GABRB1: variants seen among roughly 807,000 people sequenced by gnomAD.
The protein encoded by GABRB1 is gamma-aminobutyric acid type A receptor subunit beta1, also known as gamma-aminobutyric acid receptor subunit beta-1.
Under a neutral mutation model 51.6 loss-of-function variants are expected in GABRB1, and 17 were observed. The observed-to-expected ratio is 0.33, with a 90% CI of 0.23 to 0.49. GABRB1 has a LOEUF of 0.49. Among genes scored for constraint, GABRB1 ranks in the 20% least tolerant of loss-of-function variants. GABRB1 has a pLI of 0.99. For missense variants in GABRB1, 410 were observed against 600.6 expected (o/e 0.68, Z 3.32); for synonymous variants, 247 against 218.9 (o/e 1.13, Z -1.14).
At chr4:47,013,137 T>TTC (rs1553909056) in intron 1 of GABRB1, among the ~76,000 whole-genome samples, 4 of 56,220 alleles carry the variant, frequency 7.1e-5, no homozygotes, top group African/African-American at 1.6e-4. Context: ...ACAAATTGCA[T>TTC]TCTGTGTGTG....
intron 4 of GABRB1, among the ~76,000 whole-genome samples, chr4:47,190,133 CT>C (rs1408211735): frequency 6.6e-6 from 1 of 152,102 alleles, no homozygotes; most frequent in East Asian, 1.9e-4. Flanking sequence ...CCTTAATCTT[CT>C]AGCTTTACCA....
chr4:47,011,650 A>C (rs913899391), intron 1 of GABRB1, among the ~76,000 whole-genome samples: 2 of 152,130 alleles, frequency 1.3e-5, no homozygotes, highest in African/African-American at 2.4e-5. Context: ...GCCTTGCTTC[A>C]CTTTGTATTT....
At chr4:47,132,677 G>A (rs1221955612) in intron 3 of GABRB1, among the ~76,000 whole-genome samples, 1 of 152,142 alleles carries the variant, frequency 6.6e-6, no homozygotes, top group Admixed American at 6.6e-5. Context: ...AACGCTCAAC[G>A]AATTTCTTGA....
At chr4:47,153,759 C>A (rs943502521) in intron 3 of GABRB1, among the ~76,000 whole-genome samples, 5 of 151,968 alleles carry the variant, frequency 3.3e-5, no homozygotes, top group African/African-American at 9.7e-5. Context: ...TGATTAATTT[C>A]AAAATTTTTC....
chr4:47,395,408 C>T (rs1200999898), intron 5 of GABRB1, among the ~76,000 whole-genome samples: 1 of 152,152 alleles, frequency 6.6e-6, no homozygotes, highest in South Asian at 2.1e-4. Context: ...AACTCATTCG[C>T]TAACACGAGA....
At chr4:47,198,165 T>C (rs1719762380) in intron 4 of GABRB1, among the ~76,000 whole-genome samples, 2 of 152,112 alleles carry the variant, frequency 1.3e-5, no homozygotes, top group Admixed American at 1.3e-4. Context: ...CACTAAGGCA[T>C]AGTGGCAGGA....
chr4:47,425,516 AGATCGATC>A (rs1553884656), intron 8 of GABRB1, among the ~76,000 whole-genome samples, 150 bp from the exon 9 acceptor site: 3 of 149,550 alleles, frequency 2.0e-5, no homozygotes, highest in African/African-American at 7.5e-5. Flanking sequence ...ATAGATAGAT[AGATCGATC>A]GATCTATCTC....
At chr4:47,300,056 C>A (rs2109936495) in intron 4 of GABRB1, among the ~76,000 whole-genome samples, 1 of 126,792 alleles carries the variant, frequency 7.9e-6, no homozygotes, top group East Asian at 2.3e-4. Flanking sequence ...CACATGGACA[C>A]AGGAAGGGGA....
intron 5 of GABRB1, among the ~76,000 whole-genome samples, chr4:47,331,678 T>A (rs939724905): frequency 1.3e-5 from 2 of 152,154 alleles, no homozygotes; most frequent in Admixed American, 6.6e-5. Context: ...GGAACTTTGA[T>A]CTTCTAATAC....
chr4:47,342,511 A>G (rs1388577856), intron 5 of GABRB1, among the ~76,000 whole-genome samples: 1 of 152,242 alleles, frequency 6.6e-6, no homozygotes, highest in Admixed American at 6.5e-5. Context: ...TTGAAAGACC[A>G]TACAGTTGAA....
intron 3 of GABRB1, among the ~76,000 whole-genome samples, chr4:47,116,501 G>A (rs903097819): frequency 6.6e-5 from 10 of 152,112 alleles, no homozygotes; most frequent in African/African-American, 2.2e-4. Context: ...TTCATTCACT[G>A]TCTCTACTTA....
chr4:47,127,046 A>G (rs1247513483), intron 3 of GABRB1, among the ~76,000 whole-genome samples: 1 of 151,846 alleles, frequency 6.6e-6, no homozygotes, highest in Non-Finnish European at 1.5e-5. Context: ...GTCCTTTTCC[A>G]TGTTATTTTT....
chr4:47,279,908 C>T (rs1021773741), intron 4 of GABRB1, among the ~76,000 whole-genome samples: 27 of 150,008 alleles, frequency 1.8e-4, no homozygotes, highest in Admixed American at 2.0e-4. Context: ...CTGTAGGCAG[C>T]GTATATTTGG....
chr4:47,206,174 A>G (rs566261990), intron 4 of GABRB1, among the ~76,000 whole-genome samples: 10 of 152,042 alleles, frequency 6.6e-5, no homozygotes, highest in Non-Finnish European at 1.3e-4. Context: ...GTGGAAAAAC[A>G]TAGTTATGAA....
At chr4:47,188,348 G>T (rs573117853) in intron 4 of GABRB1, among the ~76,000 whole-genome samples, 1 of 152,034 alleles carries the variant, frequency 6.6e-6, no homozygotes, top group South Asian at 2.1e-4. Context: ...CACTTTGGAC[G>T]TTTTTTAATG....
At chr4:47,209,569 A>AT (rs1720269156) in intron 4 of GABRB1, among the ~76,000 whole-genome samples, 1 of 152,004 alleles carries the variant, frequency 6.6e-6, no homozygotes, top group African/African-American at 2.4e-5. Flanking sequence ...GCATTGTGCA[A>AT]TTTTTAGTGT....
intron 5 of GABRB1, among the ~76,000 whole-genome samples, chr4:47,320,763 CT>C (rs1264288318): frequency 8.8e-6 from 1 of 113,316 alleles, no homozygotes; most frequent in African/African-American, 3.1e-5. Context: ...GTTTTCTTTT[CT>C]TTTTTCTTTT....
chr4:47,010,916 C>T (rs968403938), intron 1 of GABRB1, among the ~76,000 whole-genome samples: 1 of 151,880 alleles, frequency 6.6e-6, no homozygotes, highest in Non-Finnish European at 1.5e-5. Flanking sequence ...AGTGTTAGTT[C>T]TATTAATAAC....
At chr4:47,259,721 T>C (rs1177565089) in intron 4 of GABRB1, among the ~76,000 whole-genome samples, 1 of 152,206 alleles carries the variant, frequency 6.6e-6, no homozygotes, top group Non-Finnish European at 1.5e-5. Context: ...CCTTGGGTTT[T>C]AATACTATAA....
Sources: allele counts gnomAD v4.1 joint callset (sites outside exome capture counted in the v4.1 genomes callset), GRCh38; gene constraint gnomAD v4.1.1; transcripts MANE v1.5; gene names NCBI Gene and HGNC (gene_info 2026-07-23, HGNC 2026-07-21).